GRTP1: variants seen among roughly 807,000 people sequenced by gnomAD.
The protein encoded by GRTP1 is growth hormone-regulated TBC protein 1.
GRTP1 carries 56 observed loss-of-function variants against 38.1 expected under a neutral mutation model. The observed-to-expected ratio is 1.47, with a 90% CI of 1.19 to 1.84. The LOEUF (loss-of-function observed/expected upper bound fraction) is 1.84. Among genes scored for constraint, GRTP1 ranks in the 40% most tolerant of loss-of-function variants. GRTP1 has a pLI of 0.00. For synonymous variants in GRTP1, 217 were observed against 189.5 expected, an observed-to-expected ratio of 1.14 and a Z score of -1.19; for missense variants, 506 against 453.9, an observed-to-expected ratio of 1.11 and a Z score of -1.04.
At chr13:113,327,437 A>C (rs926337657) in intron 5 of GRTP1, among the ~76,000 whole-genome samples, 45 of 152,044 alleles carry the variant, frequency 3.0e-4, no homozygotes, top group African/African-American at 1.1e-3. Context: ...CTCGGCCTCC[A>C]AAAGTGCTGG....
intron 5 of GRTP1, among the ~76,000 whole-genome samples, chr13:113,335,254 T>C (rs1457915808): frequency 2.0e-5 from 3 of 152,108 alleles, no homozygotes; most frequent in Non-Finnish European, 2.9e-5. Flanking sequence ...CAATGTGTCA[T>C]GATCAGACCT....
chr13:113,362,446 C>T (rs1355444432), intron 2 of GRTP1, among the ~76,000 whole-genome samples: 3 of 152,136 alleles, frequency 2.0e-5, no homozygotes, highest in Non-Finnish European at 4.4e-5. Context: ...TCGTGGGAAG[C>T]ATATAGGATA....
chr13:113,341,575 T>C (rs1566424820), intron 5 of GRTP1, among the ~76,000 whole-genome samples: 1 of 152,134 alleles, frequency 6.6e-6, no homozygotes, highest in Non-Finnish European at 1.5e-5. Flanking sequence ...CTACATTTTT[T>C]TCTTATCAGT....
chr13:113,332,292 A>AGGT (rs1404353327), intron 5 of GRTP1, among the ~76,000 whole-genome samples: 41 of 118,774 alleles, frequency 3.5e-4, no homozygotes, highest in African/African-American at 1.2e-3. Context: ...GCACACACAC[A>AGGT]CCACACGTGC....
At chr13:113,352,141 A>T (rs1482160324) in intron 3 of GRTP1, among the ~76,000 whole-genome samples, 1 of 149,168 alleles carries the variant, frequency 6.7e-6, no homozygotes, top group Non-Finnish European at 1.5e-5. Flanking sequence ...AAATGGAATC[A>T]GTCAAGGGGA....
chr13:113,332,344 CACACACAGGT>C (rs2042886141), intron 5 of GRTP1, among the ~76,000 whole-genome samples: 3 of 97,352 alleles, frequency 3.1e-5, no homozygotes, highest in Admixed American at 8.2e-5. Context: ...ACACGCACGC[CACACACAGGT>C]ACACACGTGC....
Position 113,349,980 on chromosome 13 carries a change from C to T in GRTP1, c.465+869G>A, listed in dbSNP as rs2043231060. ...CCGTGAAGCACATGGCCTAAAATGC[C>T]AGGAACGCACTCTCCAATCCCGGTG... On this transcript the variant is annotated intron_variant, in intron 4 of 7. Transcript: ENST00000375431. The surrounding 1 kb of genome is among the most constrained non-coding windows in gnomAD (Gnocchi z 5.0). 1.3e-5 allele frequency among the ~76,000 whole-genome samples: 2 copies of T among 152,250 alleles called. No individual in the cohort carries two copies. Among genetic ancestry groups the T allele is most frequent in the South Asian group, 2.1e-4 (1 of 4,826 alleles).
intron 7 of GRTP1, chr13:113,324,822 C>A: frequency 8.1e-7 from 1 of 1,228,496 alleles, no homozygotes; most frequent in Non-Finnish European, 1.0e-6. Context: ...CATCTGCTTC[C>A]ATTAGACTTT....
chr13:113,354,221 G>A (rs1404350273), intron 3 of GRTP1, among the ~76,000 whole-genome samples: 1 of 152,280 alleles, frequency 6.6e-6, no homozygotes, highest in East Asian at 1.9e-4. Flanking sequence ...TGGCCGCCAG[G>A]CTGTGCACTG....
chr13:113,350,054 C>A (rs547728578), intron 4 of GRTP1, among the ~76,000 whole-genome samples: 66 of 152,194 alleles, frequency 4.3e-4, no homozygotes, highest in African/African-American at 1.5e-3. Context: ...CAGGCAGTCA[C>A]GGGCTGTGCG....
At chr13:113,363,717 A>AACCCCCCTGCGCCCTCGGG in intron 2 of GRTP1, 45 bp downstream of exon 2, 1 of 1,525,490 alleles carries the variant, frequency 6.6e-7, no homozygotes. Flanking sequence ...GTCCCAGCCC[A>AACCCCCCTGCGCCCTCGGG]ACCCACCTGC....
chr13:113,337,247 A>T (rs1595484378), intron 5 of GRTP1, among the ~76,000 whole-genome samples: 1 of 152,326 alleles, frequency 6.6e-6, no homozygotes, highest in East Asian at 1.9e-4. Context: ...GTGAGCTGTG[A>T]TGGTGCCACT....
intron 3 of GRTP1, among the ~76,000 whole-genome samples, chr13:113,352,315 T>C (rs1206682051): frequency 1.2e-4 from 4 of 33,094 alleles, no homozygotes; most frequent in East Asian, 2.3e-3. Context: ...ATATATATTT[T>C]ATATATATTT....
At position 113,345,108 on chromosome 13, in the gene GRTP1, T is replaced by C. The variant is rs544985432; in HGVS notation, c.466-149A>G. The C allele has an allele frequency of 8.8e-6, 7 of 797,474 alleles. No individual in the cohort carries two copies. In the South Asian group the frequency reaches 1.2e-4, roughly 14 times the overall value. The allele number at this position is 797,474 out of a possible 1,614,324, so 49.4% of individuals were successfully genotyped here. The stretch of plus-strand genomic sequence containing the variant: ...TTGCAGAATGATCCTTTAGTAGAAC[T>C]CTAGAGTCACTAAATACCTACCGTC... On this transcript the variant is annotated intron_variant, in intron 4 of 7. Coordinates refer to ENST00000375431, the MANE Select transcript of GRTP1 (RefSeq NM_024719.4).
At chr13:113,346,140 A>AGTG (rs2043114578) in intron 4 of GRTP1, among the ~76,000 whole-genome samples, 1 of 109,640 alleles carries the variant, frequency 9.1e-6, no homozygotes, top group Non-Finnish European at 1.9e-5. Context: ...GGACAAGAGC[A>AGTG]GACCCGGGAG....
intron 5 of GRTP1, chr13:113,339,953 C>G (rs1210488157): frequency 2.6e-5 from 4 of 152,184 alleles, no homozygotes. Context: ...GAAGGCTATA[C>G]TAGCTTCATA....
chr13:113,358,107 G>C (rs1595514924), intron 2 of GRTP1, among the ~76,000 whole-genome samples: 1 of 152,158 alleles, frequency 6.6e-6, no homozygotes, highest in Non-Finnish European at 1.5e-5. Flanking sequence ...GCTTGAACCT[G>C]GGAGGCGGAG....
At chr13:113,328,258 A>G (rs2139396020) in intron 5 of GRTP1, among the ~76,000 whole-genome samples, 1 of 152,246 alleles carries the variant, frequency 6.6e-6, no homozygotes. Flanking sequence ...CCGGGACGGC[A>G]CCTGCCTGGC....
Position 113,346,026 on chromosome 13 carries a change from CTGGGAAGA to C in GRTP1, c.466-1075_466-1068del, listed in dbSNP as rs1175041384. ...AGAGGACCTCTGCGGCTGAGCAGAC[CTGGGAAGA>C]CATCTGTGGCCGAGAGCAGACCCGG... On this transcript the variant is annotated intron_variant, in intron 4 of 7. Coordinates refer to ENST00000375431, the MANE Select transcript of GRTP1 (RefSeq NM_024719.4). Among the ~76,000 whole-genome samples, 103 of 84,744 alleles carry C rather than the reference CTGGGAAGA, an allele frequency of 1.2e-3. 2 individuals are homozygous for C. In the East Asian group the frequency reaches 0.028, roughly 23 times the overall value. The allele number at this position is 84,744 out of a possible 152,430, so 55.6% of individuals were successfully genotyped here.
Sources: allele counts gnomAD v4.1 joint callset (sites outside exome capture counted in the v4.1 genomes callset), GRCh38; gene constraint gnomAD v4.1.1; non-coding constraint Gnocchi (gnomAD v3.1); transcripts MANE v1.5; gene names NCBI Gene and HGNC (gene_info 2026-07-23, HGNC 2026-07-21).